Variants in ASMTL observed in about 807,000 individuals in gnomAD.
The protein encoded by ASMTL is acetylserotonin O-methyltransferase like, also known as probable bifunctional dTTP/UTP pyrophosphatase/methyltransferase protein.
In ASMTL, 57 loss-of-function variants were observed where a neutral mutation model predicts 60.3. The observed-to-expected ratio is 0.95, with a 90% CI of 0.76 to 1.18. The LOEUF is 1.18. Ranked by LOEUF, ASMTL falls within the 50% of genes most tolerant of loss-of-function variation. The pLI, the probability that ASMTL is intolerant of heterozygous loss-of-function variation, is 0.00. For synonymous variants in ASMTL, 419 were observed against 373.0 expected, an observed-to-expected ratio of 1.12 and a Z score of -1.42; for missense variants, 981 against 852.6, an observed-to-expected ratio of 1.15 and a Z score of -1.88.
In ASMTL at chrX:1,439,117, T is replaced by C; in HGVS notation, c.253A>G (p.Ile85Val). The change falls in exon 3 of 13, where the codon ATT (isoleucine) becomes GTT (valine). Residue 85 changes from isoleucine (I) to valine (V), a missense_variant. Coordinates refer to ENST00000381317, the MANE Select transcript of ASMTL (RefSeq NM_004192.4). ...QKDLRAPDVV[I>V]GADTIVTVGG... Reference sequence around the variant, plus strand: ...CTCACCACGATCGTGTCCGCTCCAATGACCACGTCGGGGGCCCGCAGGTCT... The same window carrying C: ...CTCACCACGATCGTGTCCGCTCCAACGACCACGTCGGGGGCCCGCAGGTCT... 6.2e-7 allele frequency: 1 copy of C among 1,614,008 alleles called. No individual in the cohort carries two copies. The highest frequency in any genetic ancestry group is 1.1e-5 in the South Asian group (1 of 91,076).
At chrX:1,432,445 G>C in intron 5 of ASMTL, 68 bp from the exon 6 acceptor site, 1 of 1,219,348 alleles carries the variant, frequency 8.2e-7, no homozygotes, top group East Asian at 2.4e-5. Context: ...TGACAGCTGC[G>C]TGGCTGTGCT....
intron 6 of ASMTL, among the ~76,000 whole-genome samples, chrX:1,428,764 G>C (rs1351202493): frequency 4.8e-5 from 7 of 146,470 alleles, no homozygotes; most frequent in Admixed American, 2.1e-4. Flanking sequence ...TCTACGAATT[G>C]TGTGTGTGTG....
chrX:1,452,864 G>T lies in ASMTL; in HGVS notation c.-24C>A, dbSNP rs751256133. ...ATGGCGTCCACGCCGGGAGCCGGGC[G>T]TCCGCACTTCTGAGCCCGGAGCCCG... is the stretch of plus-strand genomic sequence containing the variant. On this transcript the variant is annotated 5_prime_UTR_variant, in exon 1 of 13. Coordinates refer to ENST00000381317, the MANE Select transcript of ASMTL (RefSeq NM_004192.4). 8.5e-6 allele frequency: 13 copies of T among 1,533,142 alleles called. No individual in the cohort carries two copies. The highest frequency in any genetic ancestry group is 1.1e-5 in the Non-Finnish European group (13 of 1,144,860). The allele number at this position is 1,533,142 out of a possible 1,614,324, so 95.0% of individuals were successfully genotyped here.
At chrX:1,439,453 C>G (rs2091053875) in intron 2 of ASMTL, among the ~76,000 whole-genome samples, 1 of 152,220 alleles carries the variant, frequency 6.6e-6, no homozygotes, top group African/African-American at 2.4e-5. Context: ...TTTTGTTCTT[C>G]CGGGCGGCAG....
intron 5 of ASMTL, among the ~76,000 whole-genome samples, chrX:1,433,641 G>C (rs1486039410): frequency 1.3e-5 from 2 of 151,544 alleles, no homozygotes; most frequent in East Asian, 3.9e-4. Flanking sequence ...GATGGCGCAA[G>C]TGCACTCTAG....
chrX:1,412,768 T>G lies in ASMTL; in HGVS notation c.1609A>C (p.Lys537Gln). 6.2e-7 allele frequency: 1 copy of G among 1,613,942 alleles called. No homozygotes were observed. Among genetic ancestry groups the G allele is most frequent in the Non-Finnish European group, 8.5e-7 (1 of 1,179,846 alleles). ...CTCTCGGCGACCCTGCTGAGTAACT[T>G]GTGGACTTTGTCGTCTGGCCAGTCA... is the stretch of plus-strand genomic sequence containing the variant. Reference protein sequence around the residue: ...LHDWPDDKVHKLLSRVAESCK... With the variant: ...LHDWPDDKVHQLLSRVAESCK... Residue 537 changes from lysine (K) to glutamine (Q), a missense_variant, in exon 12 of 13, where the codon AAG becomes CAG. Transcript: ENST00000381317.
chrX:1,434,420 G>A (rs761460691), intron 5 of ASMTL, among the ~76,000 whole-genome samples: 1 of 151,360 alleles, frequency 6.6e-6, no homozygotes, highest in South Asian at 2.1e-4. Context: ...AGCTCAGGAG[G>A]TCGAGGCTGC....
intron 6 of ASMTL, among the ~76,000 whole-genome samples, chrX:1,431,058 C>A (rs2090761105): frequency 1.6e-5 from 2 of 123,016 alleles, no homozygotes; most frequent in Admixed American, 1.8e-4. Context: ...ATACATATTA[C>A]ATATTATCCA....
At chrX:1,406,670 G>C (rs1390734429) in intron 12 of ASMTL, among the ~76,000 whole-genome samples, 1 of 150,882 alleles carries the variant, frequency 6.6e-6, no homozygotes, top group East Asian at 2.0e-4. Context: ...GTAGATGATG[G>C]TTAAGTAGGT....
At chrX:1,423,348 G>A (rs1180766448) in intron 8 of ASMTL, among the ~76,000 whole-genome samples, 3 of 152,016 alleles carry the variant, frequency 2.0e-5, no homozygotes, top group African/African-American at 7.3e-5. Flanking sequence ...TGTCTCTGTG[G>A]TAAGGGCACA....
intron 8 of ASMTL, among the ~76,000 whole-genome samples, chrX:1,423,880 C>G (rs2090541294): frequency 6.6e-6 from 1 of 151,282 alleles, no homozygotes; most frequent in Non-Finnish European, 1.5e-5. Flanking sequence ...GCCCACTCAT[C>G]CATCCATCCA....
intron 8 of ASMTL, among the ~76,000 whole-genome samples, chrX:1,424,716 A>T (rs1309898184): frequency 6.7e-6 from 1 of 149,978 alleles, no homozygotes; most frequent in Non-Finnish European, 1.5e-5. Flanking sequence ...CCACCCATCC[A>T]TCCACACATC....
intron 11 of ASMTL, among the ~76,000 whole-genome samples, chrX:1,413,398 C>G (rs1204867700): frequency 2.6e-5 from 4 of 152,184 alleles, no homozygotes; most frequent in Admixed American, 1.3e-4. Context: ...CTGGGCGAGG[C>G]AGGCAGAGTC....
upstream of ASMTL, among the ~76,000 whole-genome samples, chrX:1,453,360 G>T (rs1275322775): frequency 3.1e-4 from 45 of 146,752 alleles, no homozygotes; most frequent in African/African-American, 1.1e-3. Context: ...TCCCCCCCGG[G>T]CACCGCCCCG....
rs779996956 is a variant in ASMTL at position 1,435,752 on chromosome X, CG to C, written c.279del (p.Leu96Ter). On this transcript the variant is annotated frameshift_variant, in exon 4 of 13. Coordinates refer to ENST00000381317, the MANE Select transcript of ASMTL (RefSeq NM_004192.4). LOFTEE classifies it high-confidence loss of function. The stretch of plus-strand genomic sequence containing the variant: ...ACCGGCTTCTCCAGAATCAGCCCCC[CG>C]ACTGTCTGTGAGAGGAAGGGACAGA... The part of the protein sequence containing the change: ...VVIGADTIVT[V>X]GGLILEKPVD... 2 of 1,613,582 alleles carry C rather than the reference CG, an allele frequency of 1.2e-6. No individual in the cohort carries two copies. The highest frequency in any genetic ancestry group is 3.3e-5 in the Admixed American group (2 of 60,002).
intron 5 of ASMTL, among the ~76,000 whole-genome samples, chrX:1,432,789 C>G (rs28548386): frequency 1.4e-5 from 2 of 144,896 alleles, no homozygotes; most frequent in African/African-American, 2.6e-5. Flanking sequence ...AGATCGCGCC[C>G]CTGCATTCCA....
chrX:1,432,704 C>T (rs768711298), intron 5 of ASMTL, among the ~76,000 whole-genome samples: 23 of 152,214 alleles, frequency 1.5e-4, no homozygotes, highest in African/African-American at 5.5e-4. Flanking sequence ...TAGTAGGTGC[C>T]TGTAGTCCCA....
At chrX:1,447,808 C>A (rs1161497896) in intron 1 of ASMTL, among the ~76,000 whole-genome samples, 1 of 151,420 alleles carries the variant, frequency 6.6e-6, no homozygotes, top group Non-Finnish European at 1.5e-5. Flanking sequence ...CCATCTTGGA[C>A]ACACACAGCT....
chrX:1,419,221 G>A (rs1370932584), intron 9 of ASMTL, 107 bp from the exon 10 acceptor site: 59 of 1,301,790 alleles, frequency 4.5e-5, no homozygotes, highest in South Asian at 1.1e-4. Context: ...GAGCGTGGGG[G>A]CTCAGCCGCG....
Sources: allele counts gnomAD v4.1 joint callset (sites outside exome capture counted in the v4.1 genomes callset), GRCh38; gene constraint gnomAD v4.1.1; transcripts MANE v1.5; gene names NCBI Gene and HGNC (gene_info 2026-07-23, HGNC 2026-07-21).